ADAM19: variants seen among roughly 807,000 people sequenced by gnomAD.
ADAM19 encodes ADAM metallopeptidase domain 19.
ADAM19 carries 65 observed loss-of-function variants against 114.7 expected under a neutral mutation model. That is an observed-to-expected ratio of 0.57 (90% CI 0.46 to 0.70). The LOEUF (loss-of-function observed/expected upper bound fraction) is 0.70, where lower values mean the gene tolerates loss of function less well. Ranked by LOEUF, ADAM19 falls within the 30% of genes least tolerant of loss-of-function variation. ADAM19 has a pLI of 0.00. For synonymous variants in ADAM19, 466 were observed against 460.5 expected (o/e 1.01, Z -0.15); for missense variants, 1,063 against 1,204.7 (o/e 0.88, Z 1.74).
intron 5 of ADAM19, among the ~76,000 whole-genome samples, chr5:157,529,307 T>C (rs1345541880): frequency 1.4e-5 from 2 of 142,952 alleles, no homozygotes; most frequent in African/African-American, 5.5e-5. Flanking sequence ...GTTTTTTAGA[T>C]CATCATCCTT....
intron 5 of ADAM19, among the ~76,000 whole-genome samples, chr5:157,525,926 C>A (rs1186685416): frequency 6.6e-6 from 1 of 152,050 alleles, no homozygotes; most frequent in African/African-American, 2.4e-5. Context: ...GGCAGGGCTG[C>A]TGTAATATAA....
intron 21 of ADAM19, among the ~76,000 whole-genome samples, chr5:157,486,022 A>G (rs1428572158): frequency 6.6e-6 from 1 of 152,210 alleles, no homozygotes; most frequent in Non-Finnish European, 1.5e-5. Flanking sequence ...TTAGAATAGC[A>G]GAACTGAAGA....
chr5:157,481,316 T>G, intron 22 of ADAM19: 1 of 571,844 alleles, frequency 1.7e-6, no homozygotes. Flanking sequence ...CTTCACCTCA[T>G]CCCTTTCTGA....
intron 16 of ADAM19, 93 bp downstream of exon 16, chr5:157,492,880 G>A (rs1462249316): frequency 2.2e-6 from 3 of 1,376,842 alleles, no homozygotes; most frequent in East Asian, 2.3e-5. Context: ...TTGGCGAGGT[G>A]GCATCTGAGC....
At chr5:157,559,953 C>T (rs1757466049) in intron 3 of ADAM19, among the ~76,000 whole-genome samples, 2 of 152,284 alleles carry the variant, frequency 1.3e-5, no homozygotes, top group Admixed American at 6.5e-5. Flanking sequence ...CATTTTTCTA[C>T]TCACAGAGCA....
At chr5:157,518,746 C>T in intron 7 of ADAM19, 77 bp downstream of exon 7, 5 of 1,161,266 alleles carry the variant, frequency 4.3e-6, no homozygotes, top group Non-Finnish European at 6.5e-6. Context: ...GCAACATTTC[C>T]CCAAAGCAGT....
At chr5:157,551,622 G>C (rs1022439276) in intron 3 of ADAM19, among the ~76,000 whole-genome samples, 1 of 151,644 alleles carries the variant, frequency 6.6e-6, no homozygotes, top group African/African-American at 2.4e-5. Context: ...AATCAACAAA[G>C]TGAAGAGACA....
chr5:157,559,110 T>C (rs2113787945), intron 3 of ADAM19, among the ~76,000 whole-genome samples: 2 of 152,346 alleles, frequency 1.3e-5, no homozygotes, highest in South Asian at 4.1e-4. Flanking sequence ...AATGCCCAAA[T>C]TCTGCCTTGA....
chr5:157,518,007 G>C (rs1756142039), intron 7 of ADAM19, among the ~76,000 whole-genome samples: 1 of 152,164 alleles, frequency 6.6e-6, no homozygotes, highest in Non-Finnish European at 1.5e-5. Context: ...GCTGATGCTG[G>C]TGCTCTGGGG....
chr5:157,490,877 G>A (rs1240888930), intron 18 of ADAM19, among the ~76,000 whole-genome samples: 60 of 136,600 alleles, frequency 4.4e-4, no homozygotes, highest in Non-Finnish European at 1.7e-4. Flanking sequence ...GGGTGACAGA[G>A]CAAGACTCCG....
chr5:157,572,361 G>A (rs775650050), intron 1 of ADAM19: 6 of 429,996 alleles, frequency 1.4e-5, no homozygotes, highest in Non-Finnish European at 2.4e-5. Flanking sequence ...AATACTGGCG[G>A]CAGACTATCT....
At chr5:157,541,234 C>T (rs1279507615) in intron 3 of ADAM19, among the ~76,000 whole-genome samples, 1 of 152,172 alleles carries the variant, frequency 6.6e-6, no homozygotes, top group African/African-American at 2.4e-5. Flanking sequence ...CTCAGCAGAC[C>T]GGCAGGAAGC....
intron 1 of ADAM19, among the ~76,000 whole-genome samples, chr5:157,573,337 GTACCATTGACTTTTTATT>G (rs1757882205): frequency 6.6e-6 from 1 of 152,176 alleles, no homozygotes; most frequent in Non-Finnish European, 1.5e-5. Flanking sequence ...CTAGGGGAAT[GTACCATTGACTTTTTATT>G]TACCATTGAT....
At chr5:157,572,376 A>G in intron 1 of ADAM19, 1 of 415,062 alleles carries the variant, frequency 2.4e-6, no homozygotes, top group East Asian at 7.3e-5. Flanking sequence ...CTATCTTAAC[A>G]AAATGGTAAT....
At chr5:157,575,306 G>A (rs892532767) in intron 1 of ADAM19, among the ~76,000 whole-genome samples, 42 of 152,222 alleles carry the variant, frequency 2.8e-4, no homozygotes, top group African/African-American at 9.9e-4. Context: ...CCCCGAGAAC[G>A]GCGGAAAGAG....
At chr5:157,481,111 G>C in intron 22 of ADAM19, 109 bp from the exon 23 acceptor site, 1 of 1,404,326 alleles carries the variant, frequency 7.1e-7, no homozygotes, top group Non-Finnish European at 9.8e-7. Flanking sequence ...ACCACCCACT[G>C]AGAACAAAGG....
At chr5:157,508,693 TAATA>T (rs913175114) in intron 9 of ADAM19, among the ~76,000 whole-genome samples, 7 of 152,278 alleles carry the variant, frequency 4.6e-5, no homozygotes, top group African/African-American at 1.4e-4. Flanking sequence ...AAGTCAACAC[TAATA>T]AATACCAAAT....
chr5:157,549,336 G>A (rs542113574), intron 3 of ADAM19, among the ~76,000 whole-genome samples: 13 of 152,250 alleles, frequency 8.5e-5, no homozygotes, highest in South Asian at 4.1e-4. Context: ...AAAGCAACCC[G>A]TTCCCCAACC....
rs903256059 is a variant in ADAM19, at chr5:157,490,444, A to T, written c.2106T>A (p.Pro702=). ...TGGCCACCAACACTCCAGCTACCAC[A>T]GGACCCACACCTTCCAGAAACAGAA... ...SGPMPPESVG[P]VVAGVLVAIL... is the part of the protein sequence containing the mutation. The change falls in exon 19 of 23, where the codon CCT becomes CCA. Residue 702 remains proline (P), a synonymous_variant. Coordinates refer to ENST00000257527, the MANE Select transcript of ADAM19 (RefSeq NM_033274.5). The T allele has an allele frequency of 3.7e-6, 6 of 1,613,960 alleles. No individual in the cohort carries two copies. The highest frequency in any genetic ancestry group is 3.4e-6 in the Non-Finnish European group (4 of 1,180,034).
Sources: allele counts gnomAD v4.1 joint callset (sites outside exome capture counted in the v4.1 genomes callset), GRCh38; gene constraint gnomAD v4.1.1; transcripts MANE v1.5; gene names NCBI Gene and HGNC (gene_info 2026-07-23, HGNC 2026-07-21).